Variants in PCGF3 observed in about 807,000 individuals in gnomAD.
PCGF3 encodes polycomb group RING finger protein 3.
In PCGF3, 7 loss-of-function variants were observed where a neutral mutation model predicts 33.1. That is an observed-to-expected ratio of 0.21 (90% CI 0.12 to 0.40). The LOEUF is 0.40. Among genes scored for constraint, PCGF3 ranks in the 10% least tolerant of loss-of-function variants. PCGF3 has a pLI of 1.00. For synonymous variants in PCGF3, 153 were observed against 121.3 expected (o/e 1.26, Z -1.72); for missense variants, 211 against 313.3 (o/e 0.67, Z 2.46).
In PCGF3 at chr4:733,717, G is replaced by A. The variant is rs757796778; in HGVS notation, c.37G>A (p.Ala13Thr). 2.4e-5 allele frequency: 39 copies of A among 1,610,612 alleles called. No homozygotes were observed. The South Asian group carries it at 3.4e-4, about 14-fold the overall frequency. Residue 13 changes from alanine to threonine, a missense_variant, in exon 4 of 11, where the codon GCC becomes ACC. Around this residue, in one of 3 missense-constraint regions of PCGF3, gnomAD observed 53 missense variants for 106.5 expected, o/e 0.50. Coordinates refer to ENST00000362003, the Ensembl canonical transcript of PCGF3. ...GAAGATCAAGCTGTGGGACATCAAC[G>A]CCCACATCACCTGCCGCCTGTGCAG...
intron 8 of PCGF3, among the ~76,000 whole-genome samples, chr4:755,904 C>CTTTTTTTTTT (rs570528684): frequency 1.1e-5 from 1 of 87,198 alleles, no homozygotes; most frequent in African/African-American, 5.5e-5. Context: ...CAGAATTGTC[C>CTTTTTTTTTT]TTTTTTTTTT....
chr4:754,292 T>C (rs921671992), intron 8 of PCGF3, among the ~76,000 whole-genome samples: 1 of 152,226 alleles, frequency 6.6e-6, no homozygotes, highest in Non-Finnish European at 1.5e-5. Flanking sequence ...CTCCGAGTTG[T>C]GCCTCCCTGG....
chr4:731,406 C>G (rs1255746835), intron 3 of PCGF3: 1 of 377,742 alleles, frequency 2.6e-6, no homozygotes, highest in East Asian at 3.8e-5. Context: ...GGGGCCGAGC[C>G]TGGGGCCTCA....
At chr4:764,604 T>TCTC in intron 9 of PCGF3, 1 of 183,868 alleles carries the variant, frequency 5.4e-6, no homozygotes, top group South Asian at 1.1e-4. Context: ...CAGGGTGTGA[T>TCTC]GGGGCCTGTC....
At chr4:734,279 GCTGAGGCTCGGCTCTTATGCTAAC>G (rs1476907050) in intron 4 of PCGF3, 2 of 1,464,588 alleles carry the variant, frequency 1.4e-6, no homozygotes, top group Non-Finnish European at 1.8e-6. Context: ...CATCCATCAG[GCTGAGGCTCGGCTCTTATGCTAAC>G]CTGAGGCCCC....
At chr4:765,265 C>G (rs1351304020) in intron 10 of PCGF3, among the ~76,000 whole-genome samples, 1 of 152,194 alleles carries the variant, frequency 6.6e-6, no homozygotes, top group Non-Finnish European at 1.5e-5. Flanking sequence ...AACCCAATCT[C>G]TACTAAAAAT....
intron 7 of PCGF3, 54 bp from the exon 8 acceptor site, chr4:744,546 A>T: frequency 2.2e-6 from 3 of 1,365,436 alleles, no homozygotes; most frequent in Non-Finnish European, 3.1e-6. Flanking sequence ...TAGTTTTTTA[A>T]ATGGCTTGAC....
chr4:718,135 A>C (rs1742933130), intron 1 of PCGF3, among the ~76,000 whole-genome samples: 1 of 152,286 alleles, frequency 6.6e-6, no homozygotes, highest in South Asian at 2.1e-4. Context: ...AGGTCAGGGC[A>C]GGGAAGTCCT....
chr4:734,367 T>C (rs2109615591), intron 4 of PCGF3: 3 of 1,408,342 alleles, frequency 2.1e-6, no homozygotes, highest in Non-Finnish European at 2.8e-6. Context: ...TCTTGATGGC[T>C]GGGGAGCATT....
At chr4:754,334 G>A (rs184443213) in intron 8 of PCGF3, among the ~76,000 whole-genome samples, 165 of 152,324 alleles carry the variant, frequency 1.1e-3, no homozygotes, top group African/African-American at 3.7e-3. Context: ...CCTCGGGCAC[G>A]CGCTGTGCTC....
At chr4:757,337 A>G (rs2152614361) in intron 8 of PCGF3, 1 of 152,346 alleles carries the variant, frequency 6.6e-6, no homozygotes, top group African/African-American at 2.4e-5. Flanking sequence ...TGAGTCGGAG[A>G]CGGCGGCTGC....
chr4:718,836 G>C (rs1280732773), intron 1 of PCGF3, among the ~76,000 whole-genome samples: 1 of 152,240 alleles, frequency 6.6e-6, no homozygotes, highest in Non-Finnish European at 1.5e-5. Context: ...GTCAGTTCCT[G>C]CCTGGCCAGA....
intron 1 of PCGF3, among the ~76,000 whole-genome samples, chr4:712,348 C>T (rs1242313961): frequency 2.6e-5 from 4 of 152,224 alleles, no homozygotes; most frequent in Non-Finnish European, 5.9e-5. Context: ...CAGGAACTCA[C>T]ACTCTAGAAA....
intron 6 of PCGF3, among the ~76,000 whole-genome samples, chr4:741,535 T>C (rs1278626949): frequency 6.6e-6 from 1 of 152,122 alleles, no homozygotes; most frequent in Non-Finnish European, 1.5e-5. Context: ...GCCTCCTGAG[T>C]AGCTGGGATT....
At chr4:740,226 A>C (rs1264765119) in intron 6 of PCGF3, among the ~76,000 whole-genome samples, 1 of 152,208 alleles carries the variant, frequency 6.6e-6, no homozygotes, top group Non-Finnish European at 1.5e-5. Flanking sequence ...AGACGCCAAC[A>C]CGGTCCTGCC....
At chr4:760,567 A>G (rs1291038303) in intron 8 of PCGF3, among the ~76,000 whole-genome samples, 1 of 152,122 alleles carries the variant, frequency 6.6e-6, no homozygotes, top group African/African-American at 2.4e-5. Context: ...TGTTTCAGTT[A>G]ACCCCCTGTC....
At chr4:751,841 C>T (rs960701396) in intron 8 of PCGF3, among the ~76,000 whole-genome samples, 2 of 152,214 alleles carry the variant, frequency 1.3e-5, no homozygotes, top group African/African-American at 2.4e-5. Context: ...CAGCCGGCCG[C>T]GCTGGCTTCA....
chr4:769,932 G>GTGT (rs1745553922), exon 11 of PCGF3: 1 of 152,710 alleles, frequency 6.5e-6, no homozygotes, highest in South Asian at 2.1e-4. Flanking sequence ...TTTATGCTTT[G>GTGT]TGTTGGTGTG....
At chr4:741,967 C>T (rs1398119509) in intron 6 of PCGF3, among the ~76,000 whole-genome samples, 2 of 152,178 alleles carry the variant, frequency 1.3e-5, no homozygotes, top group African/African-American at 4.8e-5. Flanking sequence ...GCCTCCATTC[C>T]AGCTGCTGGG....
Sources: allele counts gnomAD v4.1 joint callset (sites outside exome capture counted in the v4.1 genomes callset), GRCh38; gene constraint gnomAD v4.1.1; regional missense constraint gnomAD v4.1.1; transcripts MANE v1.5; gene names NCBI Gene and HGNC (gene_info 2026-07-23, HGNC 2026-07-21).